The following DPH6 variants were observed in gnomAD, a reference collection of about 807,000 sequenced individuals.
The protein encoded by DPH6 is diphthine--ammonia ligase.
Under a neutral mutation model 38.2 loss-of-function variants are expected in DPH6, and 33 were observed. That is an observed-to-expected ratio of 0.86 (90% confidence interval 0.65 to 1.15). DPH6 has a LOEUF of 1.15. Among genes scored for constraint, DPH6 ranks in the 50% most tolerant of loss-of-function variants. The probability of loss-of-function intolerance (pLI) is 0.00; values close to 1 mark genes in which losing one functional copy is unlikely to be tolerated. For synonymous variants in DPH6, 108 were observed against 103.0 expected (o/e 1.05, Z -0.30); for missense variants, 325 against 320.0 (o/e 1.02, Z -0.12).
chr15:35,280,813 C>T (rs2051893806), intron 3 of DPH6, among the ~76,000 whole-genome samples: 1 of 152,084 alleles, frequency 6.6e-6, no homozygotes, highest in African/African-American at 2.4e-5. Flanking sequence ...AACAAAGAAT[C>T]AGTTTTCAAA....
chr15:35,521,123 A>T, intron 3 of DPH6: 1 of 985,302 alleles, frequency 1.0e-6, no homozygotes, highest in Non-Finnish European at 1.2e-6. Flanking sequence ...AAGCAATGCT[A>T]AAGTGGCTAG....
intron 3 of DPH6, among the ~76,000 whole-genome samples, chr15:35,352,719 T>C (rs1161617532): frequency 6.6e-6 from 1 of 152,222 alleles, no homozygotes; most frequent in Non-Finnish European, 1.5e-5. Flanking sequence ...TTTGCTATTG[T>C]GAATAGTGCC....
chr15:35,209,402 C>G, the DPH6 span, among the ~76,000 whole-genome samples: 2 of 152,118 alleles, frequency 1.3e-5, no homozygotes, highest in Non-Finnish European at 2.9e-5. Flanking sequence ...TCAGAAACTA[C>G]TTTTGATACC....
intron 3 of DPH6, among the ~76,000 whole-genome samples, chr15:35,269,603 AT>A (rs1242668586): frequency 1.3e-5 from 2 of 148,958 alleles, no homozygotes; most frequent in East Asian, 2.0e-4. Context: ...CGCCCGGCTA[AT>A]TTTTTTTGTA....
At chr15:35,197,937 C>A in the DPH6 span, among the ~76,000 whole-genome samples, 1 of 152,136 alleles carries the variant, frequency 6.6e-6, no homozygotes, top group East Asian at 1.9e-4. Context: ...GATTTTGTCA[C>A]TGGTTGCATT....
chr15:35,185,942 G>A, the DPH6 span, among the ~76,000 whole-genome samples: 1 of 151,880 alleles, frequency 6.6e-6, no homozygotes, highest in African/African-American at 2.4e-5. Flanking sequence ...CACCGTGTTA[G>A]CCAGGATGGT....
At chr15:35,179,204 CAAAAA>C in the DPH6 span, among the ~76,000 whole-genome samples, 2 of 50,590 alleles carry the variant, frequency 4.0e-5, no homozygotes, top group Admixed American at 1.8e-4. Context: ...ACAACTCTGT[CAAAAA>C]AAAAAAAAAA....
chr15:35,402,388 T>C (rs369799932), intron 6 of DPH6, among the ~76,000 whole-genome samples: 3 of 152,192 alleles, frequency 2.0e-5, no homozygotes, highest in African/African-American at 4.8e-5. Context: ...TATACCTAAA[T>C]TGAATAATGG....
rs769531332 is a variant in DPH6, at chr15:35,410,822, T to C, written c.567+13A>G. The C allele has an allele frequency of 5.7e-6, 9 of 1,589,588 alleles. No individual in the cohort carries two copies. Among genetic ancestry groups the C allele is most frequent in the Non-Finnish European group, 7.7e-6 (9 of 1,169,238 alleles). Reference sequence around the variant, plus strand: ...TAGATGGCTACATTTTGAGATCTAGTATAAATTCTTACCTCTATGAGATAA... The same window carrying C: ...TAGATGGCTACATTTTGAGATCTAGCATAAATTCTTACCTCTATGAGATAA... On this transcript the variant is annotated intron_variant, in intron 6 of 8. Coordinates refer to ENST00000256538, the MANE Select transcript of DPH6 (RefSeq NM_080650.4).
chr15:35,196,390 T>C, the DPH6 span, among the ~76,000 whole-genome samples: 1 of 152,166 alleles, frequency 6.6e-6, no homozygotes, highest in South Asian at 2.1e-4. Context: ...AGCTTAATGA[T>C]GAGGATACAG....
intron 5 of DPH6, among the ~76,000 whole-genome samples, chr15:35,436,932 A>AC (rs963230677): frequency 4.6e-5 from 7 of 151,568 alleles, no homozygotes; most frequent in Admixed American, 4.6e-4. Flanking sequence ...AGTCCATGCA[A>AC]CCCCCGAGAC....
the DPH6 span, among the ~76,000 whole-genome samples, chr15:35,185,753 C>T: frequency 7.6e-3 from 833 of 109,152 alleles, 11 homozygotes; most frequent in African/African-American, 0.029. Flanking sequence ...TTTTTTGATA[C>T]GGAGTCTGTC....
At chr15:35,233,618 A>G (rs536627149) in intron 3 of DPH6, among the ~76,000 whole-genome samples, 3 of 152,292 alleles carry the variant, frequency 2.0e-5, no homozygotes, top group South Asian at 4.1e-4. Context: ...CTGAAGAATA[A>G]AGACAGCAGG....
chr15:35,399,618 T>C (rs1158163057), intron 6 of DPH6, among the ~76,000 whole-genome samples: 1 of 152,092 alleles, frequency 6.6e-6, no homozygotes, highest in East Asian at 1.9e-4. Flanking sequence ...GAATATCCTA[T>C]ACACTTCCAA....
intron 3 of DPH6, among the ~76,000 whole-genome samples, chr15:35,492,512 T>C (rs1380844563): frequency 6.6e-6 from 1 of 152,168 alleles, no homozygotes; most frequent in African/African-American, 2.4e-5. Context: ...TAATAATCTA[T>C]AGTAATAAGA....
chr15:35,504,025 T>C (rs1355148038), intron 3 of DPH6, among the ~76,000 whole-genome samples: 1 of 152,124 alleles, frequency 6.6e-6, no homozygotes, highest in African/African-American at 2.4e-5. Flanking sequence ...CCCTTTTTAG[T>C]GTCACTATCT....
chr15:35,520,438 C>G, intron 3 of DPH6: 1 of 982,772 alleles, frequency 1.0e-6, no homozygotes, highest in Non-Finnish European at 1.2e-6. Context: ...TACATATGGA[C>G]AGCACTTAAT....
intron 5 of DPH6, among the ~76,000 whole-genome samples, chr15:35,413,396 G>A (rs979938345): frequency 1.3e-5 from 2 of 151,278 alleles, no homozygotes; most frequent in African/African-American, 4.8e-5. Context: ...CACCCATTAT[G>A]ATTTTGGTTT....
chr15:35,214,751 GCATCA>G (rs1194368225), downstream of DPH6, among the ~76,000 whole-genome samples: 1 of 152,126 alleles, frequency 6.6e-6, no homozygotes, highest in Non-Finnish European at 1.5e-5. Context: ...GGGATTACAG[GCATCA>G]CCACCACATC....
Sources: allele counts gnomAD v4.1 joint callset (sites outside exome capture counted in the v4.1 genomes callset), GRCh38; gene constraint gnomAD v4.1.1; transcripts MANE v1.5; gene names NCBI Gene and HGNC (gene_info 2026-07-23, HGNC 2026-07-21).